The following CEP95 variants were observed in gnomAD, a reference collection of about 807,000 sequenced individuals.
The protein encoded by CEP95 is centrosomal protein 95, also known as centrosomal protein of 95 kDa.
In CEP95, 98 loss-of-function variants were observed where a neutral mutation model predicts 111.2. The ratio of observed to expected loss-of-function variants is 0.88; its 90% CI spans 0.75 to 1.04. The LOEUF (loss-of-function observed/expected upper bound fraction) is 1.04. CEP95 is among the 50% of genes least tolerant of loss of function. The pLI, the probability that CEP95 is intolerant of heterozygous loss-of-function variation, is 0.00. For synonymous variants in CEP95, 323 were observed against 327.1 expected, an observed-to-expected ratio of 0.99 and a Z score of 0.14; for missense variants, 1,027 against 977.2, an observed-to-expected ratio of 1.05 and a Z score of -0.68.
At chr17:64,535,867 T>C (rs1968618613) in intron 17 of CEP95, 1 of 152,188 alleles carries the variant, frequency 6.6e-6, no homozygotes, top group Admixed American at 6.5e-5. Flanking sequence ...TACAGTAGGA[T>C]GTTACTTGGC....
rs1487824942 is a variant in CEP95 at position 64,514,246 on chromosome 17, A to G, written c.257-2A>G. ...TTTAATAGCTCTATATTCTGTCTCCAGGAGAAAATATAGTGAAAGGAGATA... is the reference window on the plus strand; with the variant it reads ...TTTAATAGCTCTATATTCTGTCTCCGGGAGAAAATATAGTGAAAGGAGATA... On this transcript the variant is annotated splice_acceptor_variant, in intron 3 of 19. Transcript: ENST00000556440. LOFTEE classifies it high-confidence loss of function. 1.5e-5 allele frequency: 18 copies of G among 1,206,422 alleles called. No individual in the cohort carries two copies. The highest frequency in any genetic ancestry group is 3.0e-5 in the African/African-American group (2 of 66,462). 74.7% of individuals were successfully genotyped at this position (1,206,422 alleles called of 1,614,324 possible).
chr17:64,511,375 G>C (rs184187503), intron 3 of CEP95, among the ~76,000 whole-genome samples: 3 of 152,194 alleles, frequency 2.0e-5, no homozygotes, highest in Non-Finnish European at 4.4e-5. Flanking sequence ...CCGGGGGACC[G>C]TCTGTAGACC....
intron 12 of CEP95, among the ~76,000 whole-genome samples, chr17:64,530,548 G>A (rs1262249483): frequency 3.6e-5 from 5 of 138,000 alleles, no homozygotes; most frequent in African/African-American, 1.1e-4. Context: ...CACTCTTGCC[G>A]CCCAGGCTGG....
intron 8 of CEP95, 40 bp downstream of exon 8, chr17:64,522,935 C>CT: frequency 6.8e-7 from 1 of 1,470,424 alleles, no homozygotes; most frequent in African/African-American, 1.4e-5. Flanking sequence ...TAGAAGTACA[C>CT]TTGTATGTAT....
chr17:64,526,240 G>C, intron 10 of CEP95, 40 bp downstream of exon 10: 1 of 1,555,096 alleles, frequency 6.4e-7, no homozygotes, highest in Non-Finnish European at 8.7e-7. Context: ...ATTCCCATGG[G>C]TTAAGTGAGC....
Position 64,534,736 on chromosome 17 carries a change from T to C in CEP95, c.2069T>C (p.Met690Thr), listed in dbSNP as rs190786161. Reference protein sequence around the residue: ...KMMRMRTREEMIFKKLFEEGL... With the variant: ...KMMRMRTREETIFKKLFEEGL... The stretch of plus-strand genomic sequence containing the variant: ...ATGAGAATGAGGACCCGGGAAGAAA[T>C]GGTAAGTCTGACTTTTCTGTCCAGC... Residue 690 changes from methionine (M) to threonine (T), a missense_variant and splice_region_variant, in exon 17 of 20, where the codon ATG becomes ACG. By Grantham distance (81) the Met-to-Thr change is moderately conservative. Transcript: ENST00000556440. 6.8e-6 allele frequency: 11 copies of C among 1,610,092 alleles called. No individual in the cohort carries two copies. Among genetic ancestry groups the C allele is most frequent in the Admixed American group, 3.4e-5 (2 of 59,430 alleles).
At chr17:64,515,439 A>G (rs1383445717) in intron 4 of CEP95, among the ~76,000 whole-genome samples, 3 of 152,192 alleles carry the variant, frequency 2.0e-5, no homozygotes, top group Non-Finnish European at 4.4e-5. Context: ...GATTAATTTG[A>G]AATGTAAAGA....
intron 8 of CEP95, 106 bp from the exon 9 acceptor site, chr17:64,525,664 G>C: frequency 1.5e-6 from 1 of 665,336 alleles, no homozygotes. Context: ...CACGGAGATT[G>C]AAGGCACGTA....
At chr17:64,511,885 G>A (rs1339445157) in intron 3 of CEP95, among the ~76,000 whole-genome samples, 1 of 152,220 alleles carries the variant, frequency 6.6e-6, no homozygotes, top group Admixed American at 6.5e-5. Flanking sequence ...CTTCTGCCAT[G>A]GCTTCAGCCG....
chr17:64,526,105 T>G lies in CEP95; in HGVS notation c.1057T>G (p.Ser353Ala). ...CAGAGCTACAGCCTCATCCTGCAATTCACCTTTCCCCCAGAGGCCAAGAAA... is the reference window on the plus strand; with the variant it reads ...CAGAGCTACAGCCTCATCCTGCAATGCACCTTTCCCCCAGAGGCCAAGAAA... ...ENRATASSCN[S>A]PFPQRPRKRL... The change falls in exon 10 of 20, where the codon TCA (serine) becomes GCA (alanine). Residue 353 changes from serine (S) to alanine (A), a missense_variant. Coordinates refer to ENST00000556440, the MANE Select transcript of CEP95 (RefSeq NM_138363.3). 6.2e-7 allele frequency: 1 copy of G among 1,613,830 alleles called. No homozygotes were observed. Among genetic ancestry groups the G allele is most frequent in the Non-Finnish European group, 8.5e-7 (1 of 1,179,832 alleles).
chr17:64,517,639 G>A lies in CEP95; in HGVS notation c.473+811G>A, dbSNP rs182461592. 9.0e-3 allele frequency among the ~76,000 whole-genome samples: 1,360 copies of A among 150,978 alleles called. 17 individuals are homozygous for A. Among genetic ancestry groups the A allele is most frequent in the African/African-American group, 0.032 (1,303 of 41,066 alleles). Reference sequence around the variant, plus strand: ...GTTCACTGTAGCCTTGAACTCCTGAGCTTAAGCCCAAGTAGCTGGGACCAC... The same window carrying A: ...GTTCACTGTAGCCTTGAACTCCTGAACTTAAGCCCAAGTAGCTGGGACCAC... On this transcript the variant is annotated intron_variant, in intron 5 of 19. Coordinates refer to ENST00000556440, the MANE Select transcript of CEP95 (RefSeq NM_138363.3).
At chr17:64,532,191 CTT>C (rs1304386701) in intron 14 of CEP95, 169 bp downstream of exon 14, 1 of 1,297,958 alleles carries the variant, frequency 7.7e-7, no homozygotes, top group Non-Finnish European at 9.8e-7. Flanking sequence ...GGCTAAAACT[CTT>C]CAATAAGGAA....
Position 64,511,375 on chromosome 17 carries a change from G to A in CEP95, c.256+1095G>A, listed in dbSNP as rs184187503. On this transcript the variant is annotated intron_variant, in intron 3 of 19. Transcript: ENST00000556440. ...AAAAGATGGCCACGCCCGGGGGACCGTCTGTAGACCTGCCCCCAGGCGTGT... is the reference window on the plus strand; with the variant it reads ...AAAAGATGGCCACGCCCGGGGGACCATCTGTAGACCTGCCCCCAGGCGTGT... Among the ~76,000 whole-genome samples the A allele has an allele frequency of 4.1e-4, 63 of 152,312 alleles. 2 individuals are homozygous for A. Among genetic ancestry groups the A allele is most frequent in the Admixed American group, 1.7e-3 (26 of 15,306 alleles).
At chr17:64,512,273 C>G (rs1238475084) in intron 3 of CEP95, among the ~76,000 whole-genome samples, 1 of 152,196 alleles carries the variant, frequency 6.6e-6, no homozygotes, top group Non-Finnish European at 1.5e-5. Flanking sequence ...ATACAAGAAA[C>G]TCGTAATACT....
intron 16 of CEP95, chr17:64,534,188 GT>G: frequency 5.2e-6 from 1 of 193,764 alleles, no homozygotes; most frequent in South Asian, 1.0e-4. Flanking sequence ...TCACTCCTTT[GT>G]CAGATACTGT....
Position 64,534,675 on chromosome 17 carries a change from T to G in CEP95, c.2008T>G (p.Tyr670Asp), listed in dbSNP as rs150627155. The G allele has an allele frequency of 3.8e-4, 617 of 1,612,800 alleles. 2 individuals are homozygous for G. The African/African-American group carries it at 5.4e-3, about 14-fold the overall frequency. Residue 670 changes from tyrosine (Y) to aspartate (D), a missense_variant, in exon 17 of 20, where the codon TAT becomes GAT. Physicochemically the swap from Tyr to Asp is radical, Grantham distance 160 (BLOSUM62 -3). Coordinates refer to ENST00000556440, the MANE Select transcript of CEP95 (RefSeq NM_138363.3). ...RQQIVRARKY[Y>D]DDYRVQLCAK... ...GCAAATCGTTCGTGCTCGAAAATAT[T>G]ATGATGATTATAGAGTTCAGTTGTG...
At chr17:64,508,056 C>T in intron 1 of CEP95, 1 of 985,274 alleles carries the variant, frequency 1.0e-6, no homozygotes, top group Non-Finnish European at 1.2e-6. Flanking sequence ...AAATGCATTA[C>T]CGTTGATGTT....
chr17:64,512,781 A>ATT (rs2038962764), intron 3 of CEP95, among the ~76,000 whole-genome samples: 1 of 152,150 alleles, frequency 6.6e-6, no homozygotes, highest in South Asian at 2.1e-4. Context: ...TTCGGAGATA[A>ATT]TTTGAGGGCT....
chr17:64,533,317 C>T (rs1164736184), intron 16 of CEP95, 126 bp downstream of exon 16: 1 of 783,264 alleles, frequency 1.3e-6, no homozygotes, highest in Non-Finnish European at 2.0e-6. Flanking sequence ...GAAGTGTTGC[C>T]TAGGTCTTTA....
Sources: allele counts gnomAD v4.1 joint callset (sites outside exome capture counted in the v4.1 genomes callset), GRCh38; gene constraint gnomAD v4.1.1; transcripts MANE v1.5; gene names NCBI Gene and HGNC (gene_info 2026-07-23, HGNC 2026-07-21).